NRXN3: variants seen among roughly 807,000 people sequenced by gnomAD.
The protein encoded by NRXN3 is neurexin 3.
A neutral mutation model predicts 137.6 loss-of-function variants in NRXN3; 32 were observed. The observed-to-expected ratio is 0.23, with a 90% CI of 0.18 to 0.31. NRXN3 has a LOEUF of 0.31. Among genes scored for constraint, NRXN3 ranks in the 10% least tolerant of loss-of-function variants. The probability of loss-of-function intolerance (pLI) is 1.00; values close to 1 mark genes in which losing one functional copy is unlikely to be tolerated. For synonymous variants in NRXN3, 798 were observed against 784.5 expected, an observed-to-expected ratio of 1.02 and a Z score of -0.29; for missense variants, 1,574 against 2,062.5, an observed-to-expected ratio of 0.76 and a Z score of 4.59.
chr14:79,713,968 G>A (rs1221858463), intron 19 of NRXN3, among the ~76,000 whole-genome samples: 1 of 151,914 alleles, frequency 6.6e-6, no homozygotes, highest in Non-Finnish European at 1.5e-5. Context: ...ATGTCACTGG[G>A]TTCCATCCTA....
rs78628417 is a variant in NRXN3, at chr14:78,782,403, G to T, written c.2045-21217G>T. On this transcript the variant is annotated intron_variant, in intron 8 of 20. Transcript: ENST00000335750. The stretch of plus-strand genomic sequence containing the variant: ...AAATCTTACATCTCTGGGAGGCGGG[G>T]TACATCTTTGATCATTCTTTTGTCA... 4.7e-3 allele frequency among the ~76,000 whole-genome samples: 719 copies of T among 152,222 alleles called. 7 individuals are homozygous for T. The highest frequency in any genetic ancestry group is 0.016 in the African/African-American group (683 of 41,516).
At chr14:78,972,521 C>G (rs2099446066) in intron 14 of NRXN3, among the ~76,000 whole-genome samples, 1 of 152,162 alleles carries the variant, frequency 6.6e-6, no homozygotes, top group Non-Finnish European at 1.5e-5. Flanking sequence ...CATCTGATTG[C>G]ACACACGTGT....
intron 15 of NRXN3, among the ~76,000 whole-genome samples, chr14:79,022,222 T>C (rs1010740151): frequency 3.3e-5 from 5 of 152,212 alleles, no homozygotes; most frequent in African/African-American, 1.2e-4. Context: ...CAGTAGATAC[T>C]GCCATAAAAT....
At chr14:79,261,601 CTGTGTGTGTGTGTGTG>C (rs5809932) in intron 15 of NRXN3, among the ~76,000 whole-genome samples, 4 of 59,214 alleles carry the variant, frequency 6.8e-5, no homozygotes, top group South Asian at 2.0e-3. Context: ...AAGAAAGGTG[CTGTGTGTGTGTGTGTG>C]TGTGTGTGTG....
intron 16 of NRXN3, among the ~76,000 whole-genome samples, chr14:79,530,874 G>GA (rs2097163942): frequency 6.6e-6 from 1 of 152,056 alleles, no homozygotes. Context: ...TGAATTGATG[G>GA]AAAATATAGA....
chr14:78,978,274 T>C (rs2099476121), intron 14 of NRXN3, among the ~76,000 whole-genome samples: 1 of 152,102 alleles, frequency 6.6e-6, no homozygotes, highest in African/African-American at 2.4e-5. Flanking sequence ...AAAAGCATGA[T>C]CTTGGGAATA....
intron 15 of NRXN3, chr14:79,279,417 C>G: frequency 1.0e-6 from 1 of 986,168 alleles, no homozygotes; most frequent in African/African-American, 1.7e-5. Flanking sequence ...CCGCGCACTT[C>G]GCAGGCGCCC....
At chr14:78,407,438 C>G (rs2092557228) in intron 4 of NRXN3, among the ~76,000 whole-genome samples, 1 of 152,202 alleles carries the variant, frequency 6.6e-6, no homozygotes, top group South Asian at 2.1e-4. Flanking sequence ...CTTTGTTATT[C>G]TAGCAAAGAA....
intron 4 of NRXN3, among the ~76,000 whole-genome samples, chr14:78,613,973 A>G (rs2097324242): frequency 1.3e-5 from 2 of 152,222 alleles, no homozygotes; most frequent in African/African-American, 4.8e-5. Context: ...GAAATAATTG[A>G]TATTCATGAA....
At chr14:78,571,089 G>C (rs1378309364) in intron 4 of NRXN3, among the ~76,000 whole-genome samples, 1 of 152,186 alleles carries the variant, frequency 6.6e-6, no homozygotes, top group Non-Finnish European at 1.5e-5. Flanking sequence ...TGGCATTTCT[G>C]TTCTCTGTTC....
chr14:78,602,717 C>T (rs1417929743), intron 4 of NRXN3, among the ~76,000 whole-genome samples: 2 of 152,182 alleles, frequency 1.3e-5, no homozygotes, highest in Admixed American at 1.3e-4. Flanking sequence ...ACTCTGAACA[C>T]CCACACCGGC....
At chr14:78,436,833 A>G (rs2094084209) in intron 4 of NRXN3, among the ~76,000 whole-genome samples, 1 of 152,134 alleles carries the variant, frequency 6.6e-6, no homozygotes, top group Admixed American at 6.5e-5. Context: ...CACAGGAATC[A>G]TGGCCATCAT....
intron 4 of NRXN3, among the ~76,000 whole-genome samples, chr14:78,482,220 A>T (rs77180807): frequency 1.3e-3 from 192 of 152,300 alleles, no homozygotes; most frequent in East Asian, 1.5e-3. Flanking sequence ...TATTGTTTCC[A>T]TGTTACAGAT....
At chr14:78,334,773 G>A (rs577454601) in intron 4 of NRXN3, among the ~76,000 whole-genome samples, 7 of 152,212 alleles carry the variant, frequency 4.6e-5, no homozygotes, top group African/African-American at 1.7e-4. Context: ...AGTAATTAGG[G>A]AGTCCTATTT....
At chr14:78,311,994 T>C (rs1248849193) in intron 4 of NRXN3, among the ~76,000 whole-genome samples, 2 of 152,128 alleles carry the variant, frequency 1.3e-5, no homozygotes, top group Non-Finnish European at 2.9e-5. Context: ...ACAGAAAATT[T>C]GTAGCACAAT....
intron 10 of NRXN3, among the ~76,000 whole-genome samples, chr14:78,868,681 C>G (rs991298953): frequency 7.2e-5 from 11 of 151,844 alleles, no homozygotes; most frequent in Non-Finnish European, 1.5e-4. Flanking sequence ...ATTAGCCAGG[C>G]ATGTTGGTGC....
chr14:79,582,798 C>T (rs1342997292), intron 16 of NRXN3, among the ~76,000 whole-genome samples: 1 of 152,120 alleles, frequency 6.6e-6, no homozygotes, highest in Non-Finnish European at 1.5e-5. Context: ...AAATACATAA[C>T]AACATTATGT....
chr14:78,957,386 G>A (rs368905670), intron 11 of NRXN3, 25 bp downstream of exon 11: 69 of 1,589,450 alleles, frequency 4.3e-5, no homozygotes, highest in Non-Finnish European at 5.6e-5. Flanking sequence ...GGTGAAATTC[G>A]TCTGTCTTTT....
intron 15 of NRXN3, among the ~76,000 whole-genome samples, chr14:78,996,482 G>A (rs778595073): frequency 2.6e-5 from 4 of 152,140 alleles, no homozygotes; most frequent in Non-Finnish European, 5.9e-5. Flanking sequence ...GAATTCATAG[G>A]GGTTTAGATT....
Sources: allele counts gnomAD v4.1 joint callset (sites outside exome capture counted in the v4.1 genomes callset), GRCh38; gene constraint gnomAD v4.1.1; transcripts MANE v1.5; gene names NCBI Gene and HGNC (gene_info 2026-07-23, HGNC 2026-07-21).